The following APCDD1L variants were observed in gnomAD, a reference collection of about 807,000 sequenced individuals.
The protein encoded by APCDD1L is APC down-regulated 1 like.
In APCDD1L, 21 loss-of-function variants were observed where a neutral mutation model predicts 24.2. That is an observed-to-expected ratio of 0.87 (90% confidence interval 0.61 to 1.25). The LOEUF is 1.25. Among genes scored for constraint, APCDD1L ranks in the 50% most tolerant of loss-of-function variants. APCDD1L has a pLI of 0.00. For synonymous variants in APCDD1L, 321 were observed against 323.6 expected, an observed-to-expected ratio of 0.99 and a Z score of 0.09; for missense variants, 704 against 711.7, an observed-to-expected ratio of 0.99 and a Z score of 0.12.
chr20:58,513,948 A>G (rs1387000254), intron 1 of APCDD1L: 1 of 1,298,626 alleles, frequency 7.7e-7, no homozygotes, highest in East Asian at 5.6e-5. Context: ...GCACACTTCA[A>G]CTGTGGTTAC....
chr20:58,481,129 G>A (rs1410332854), intron 1 of APCDD1L, among the ~76,000 whole-genome samples: 2 of 152,240 alleles, frequency 1.3e-5, no homozygotes, highest in African/African-American at 4.8e-5. Flanking sequence ...CTGCGTAGAA[G>A]GGGTTCTGAA....
rs1175880076 is a variant in APCDD1L, at chr20:58,497,086, C to G, written c.49+17573G>C. Among the ~76,000 whole-genome samples, 1 of 151,892 alleles carries G rather than the reference C, an allele frequency of 6.6e-6. No individual in the cohort carries two copies. Among genetic ancestry groups the G allele is most frequent in the Non-Finnish European group, 1.5e-5 (1 of 67,998 alleles). ...TTGAGGAGTGAGGCCATGCAGGGGA[C>G]AGCTCGAGAAAGACAGGGCTCCAGG... On this transcript the variant is annotated intron_variant, in intron 1 of 3. Transcript: ENST00000371149. The surrounding 1 kb of genome is among the most constrained non-coding windows in gnomAD (Gnocchi z 4.3).
chr20:58,470,426 AAC>A (rs1989788087), intron 2 of APCDD1L, among the ~76,000 whole-genome samples, 181 bp downstream of exon 2: 1 of 152,226 alleles, frequency 6.6e-6, no homozygotes, highest in South Asian at 2.1e-4. Flanking sequence ...CGTGATGCCC[AAC>A]AGAGTCCCTG....
chr20:58,494,087 A>G lies in APCDD1L; in HGVS notation c.49+20572T>C, dbSNP rs376670366. Among the ~76,000 whole-genome samples, 3 of 152,312 alleles carry G rather than the reference A, an allele frequency of 2.0e-5. No homozygotes were observed. The highest frequency in any genetic ancestry group is 6.5e-5 in the Admixed American group (1 of 15,304). Reference sequence around the variant, plus strand: ...ACATATTTAGGATTCATTAGCTGGAAGCGGATCATCATAAAGGTCTTCATC... The same window carrying G: ...ACATATTTAGGATTCATTAGCTGGAGGCGGATCATCATAAAGGTCTTCATC... On this transcript the variant is annotated intron_variant, in intron 1 of 3. Transcript: ENST00000371149. The surrounding 1 kb of genome is among the most constrained non-coding windows in gnomAD (Gnocchi z 4.8).
intron 1 of APCDD1L, among the ~76,000 whole-genome samples, chr20:58,511,440 A>G (rs1990625572): frequency 6.6e-6 from 1 of 152,230 alleles, no homozygotes; most frequent in Admixed American, 6.5e-5. Flanking sequence ...TAGCATAGTT[A>G]ACTTCCAATA....
At chr20:58,468,723 A>G (rs1445401857) in intron 2 of APCDD1L, among the ~76,000 whole-genome samples, 1 of 152,064 alleles carries the variant, frequency 6.6e-6, no homozygotes, top group Non-Finnish European at 1.5e-5. Flanking sequence ...ATGTGCCACC[A>G]TGCCCGGCCA....
At chr20:58,489,407 G>T (rs763198221) in intron 1 of APCDD1L, among the ~76,000 whole-genome samples, 133 of 152,102 alleles carry the variant, frequency 8.7e-4, no homozygotes, top group African/African-American at 2.9e-3. Flanking sequence ...ATTAGGGTCA[G>T]GTGCGGTGGC....
intron 1 of APCDD1L, among the ~76,000 whole-genome samples, chr20:58,490,711 G>A (rs1317317775): frequency 6.6e-6 from 1 of 152,222 alleles, no homozygotes; most frequent in African/African-American, 2.4e-5. Flanking sequence ...AAAAACTTAA[G>A]TCCATGTGAA....
chr20:58,506,769 G>A (rs762083587), intron 1 of APCDD1L, among the ~76,000 whole-genome samples: 1 of 152,216 alleles, frequency 6.6e-6, no homozygotes, highest in Admixed American at 6.5e-5. Context: ...TCCCCATTAA[G>A]CCATGTTATA....
chr20:58,492,283 C>T (rs745315717), intron 1 of APCDD1L, among the ~76,000 whole-genome samples: 1 of 152,250 alleles, frequency 6.6e-6, no homozygotes, highest in Non-Finnish European at 1.5e-5. Context: ...CTACAACACA[C>T]ATGACCAACA....
intron 1 of APCDD1L, among the ~76,000 whole-genome samples, chr20:58,495,307 T>C (rs928791986): frequency 6.6e-6 from 1 of 152,054 alleles, no homozygotes; most frequent in African/African-American, 2.4e-5. Flanking sequence ...GATGGCAGAG[T>C]GTTAAGGCCA....
intron 1 of APCDD1L, among the ~76,000 whole-genome samples, chr20:58,478,239 C>T (rs191036274): frequency 6.6e-6 from 1 of 152,204 alleles, no homozygotes; most frequent in East Asian, 1.9e-4. Flanking sequence ...CTGAAACTGG[C>T]CATTTCTCCA....
At chr20:58,464,012 G>T (rs1568733541) in intron 3 of APCDD1L, among the ~76,000 whole-genome samples, 1 of 151,708 alleles carries the variant, frequency 6.6e-6, no homozygotes, top group Non-Finnish European at 1.5e-5. Context: ...GGGGATTTGG[G>T]CCCAGAGAGC....
intron 1 of APCDD1L, among the ~76,000 whole-genome samples, chr20:58,503,078 C>T (rs571548774): frequency 6.6e-6 from 1 of 152,180 alleles, no homozygotes; most frequent in Admixed American, 6.5e-5. Flanking sequence ...TCTGAATTTC[C>T]CTAAGGCAGC....
chr20:58,463,729 C>T (rs1034681093), intron 3 of APCDD1L, among the ~76,000 whole-genome samples: 5 of 152,036 alleles, frequency 3.3e-5, no homozygotes, highest in African/African-American at 1.2e-4. Context: ...AGGAAGGGGG[C>T]ATTTTGAGGG....
rs1174639839 is a variant in APCDD1L at position 58,497,293 on chromosome 20, C to T, written c.49+17366G>A. The stretch of plus-strand genomic sequence containing the variant: ...ACGACTGAAGCCTTAGGCCTGGCCA[C>T]AGCTGCCCTGGAAAGTGGGTTCTCC... On this transcript the variant is annotated intron_variant, in intron 1 of 3. Transcript: ENST00000371149. This position sits in a 1 kb window ranked among gnomAD's most constrained non-coding sequence, Gnocchi z 4.3. 6.6e-6 allele frequency among the ~76,000 whole-genome samples: 1 copy of T among 152,092 alleles called. No individual in the cohort carries two copies. The highest frequency in any genetic ancestry group is 1.5e-5 in the Non-Finnish European group (1 of 67,990).
chr20:58,474,681 G>A (rs1350240275), intron 1 of APCDD1L, among the ~76,000 whole-genome samples: 1 of 152,174 alleles, frequency 6.6e-6, no homozygotes, highest in Non-Finnish European at 1.5e-5. Context: ...TCCAGACTGG[G>A]TGACAAGAGT....
At position 58,467,494 on chromosome 20, in the gene APCDD1L, A is replaced by G. The variant is rs560791196; in HGVS notation, c.353T>C (p.Val118Ala). Residue 118 changes from valine to alanine, a missense_variant, in exon 3 of 4, where the codon GTC (valine) becomes GCC (alanine). Coordinates refer to ENST00000371149, the MANE Select transcript of APCDD1L (RefSeq NM_153360.3). This position sits in a 1 kb window ranked among gnomAD's most constrained non-coding sequence, Gnocchi z 5.9. ...GKVRLRRASW[V>A]TRGATEADYH... ...GTCGGCCTCGGTGGCTCCCCGGGTGACCCAGGAGGCCCGGCGCAGGCGGAC... is the reference window on the plus strand; with the variant it reads ...GTCGGCCTCGGTGGCTCCCCGGGTGGCCCAGGAGGCCCGGCGCAGGCGGAC... The G allele has an allele frequency of 8.8e-6, 14 of 1,599,544 alleles. No homozygotes were observed. The South Asian group carries it at 1.5e-4, about 17-fold the overall frequency.
intron 1 of APCDD1L, among the ~76,000 whole-genome samples, chr20:58,498,220 C>T (rs1269664451): frequency 6.6e-6 from 1 of 152,016 alleles, no homozygotes; most frequent in Non-Finnish European, 1.5e-5. Context: ...CAATAGTGTA[C>T]AAGGTCAGCC....
Sources: allele counts gnomAD v4.1 joint callset (sites outside exome capture counted in the v4.1 genomes callset), GRCh38; gene constraint gnomAD v4.1.1; non-coding constraint Gnocchi (gnomAD v3.1); transcripts MANE v1.5; gene names NCBI Gene and HGNC (gene_info 2026-07-23, HGNC 2026-07-21).